The following PTPRM variants were observed in gnomAD, a reference collection of about 807,000 sequenced individuals.
PTPRM encodes the protein protein tyrosine phosphatase receptor type M.
PTPRM carries 47 observed loss-of-function variants against 186.7 expected under a neutral mutation model. The observed-to-expected ratio is 0.25, with a 90% CI of 0.20 to 0.32. PTPRM has a LOEUF of 0.32. Ranked by LOEUF, PTPRM falls within the 10% of genes least tolerant of loss-of-function variation. The pLI, the probability that PTPRM is intolerant of heterozygous loss-of-function variation, is 1.00. For synonymous variants in PTPRM, 668 were observed against 674.9 expected, an observed-to-expected ratio of 0.99 and a Z score of 0.16; for missense variants, 1,494 against 1,865.0, an observed-to-expected ratio of 0.80 and a Z score of 3.66.
intron 1 of PTPRM, among the ~76,000 whole-genome samples, chr18:7,677,606 C>T (rs183782973): frequency 2.6e-5 from 4 of 152,274 alleles, no homozygotes; most frequent in Non-Finnish European, 5.9e-5. Context: ...ATTCTTGGAA[C>T]AGGTGTCTGG....
chr18:8,160,973 C>G (rs934732649), intron 14 of PTPRM, among the ~76,000 whole-genome samples: 1 of 152,128 alleles, frequency 6.6e-6, no homozygotes, highest in Non-Finnish European at 1.5e-5. Flanking sequence ...TACCTGATTT[C>G]TATAAAAGCC....
At chr18:7,570,665 G>T (rs953232198) in intron 1 of PTPRM, among the ~76,000 whole-genome samples, 1 of 152,176 alleles carries the variant, frequency 6.6e-6, no homozygotes, top group Non-Finnish European at 1.5e-5. Context: ...AATCATGAGG[G>T]TTTATAAATA....
chr18:7,600,612 C>T (rs747002061), intron 1 of PTPRM, among the ~76,000 whole-genome samples: 4 of 152,216 alleles, frequency 2.6e-5, no homozygotes, highest in Non-Finnish European at 5.9e-5. Context: ...TTGTCTCTAC[C>T]CGCTCCCCTC....
intron 9 of PTPRM, among the ~76,000 whole-genome samples, chr18:8,078,456 T>C (rs1197507214): frequency 6.6e-6 from 1 of 152,184 alleles, no homozygotes; most frequent in Non-Finnish European, 1.5e-5. Flanking sequence ...TTTTCTGTCA[T>C]GGAGTCACAT....
chr18:7,616,316 A>G (rs1468585541), intron 1 of PTPRM, among the ~76,000 whole-genome samples: 1 of 151,948 alleles, frequency 6.6e-6, no homozygotes, highest in Admixed American at 6.6e-5. Context: ...GTGCCACCAC[A>G]CCCTGCTAAT....
intron 22 of PTPRM, among the ~76,000 whole-genome samples, chr18:8,338,421 T>A (rs2095453569): frequency 6.6e-6 from 1 of 150,616 alleles, no homozygotes; most frequent in Non-Finnish European, 1.5e-5. Flanking sequence ...TTAATATGGG[T>A]TCTCTCCTGT....
Position 8,256,396 on chromosome 18 carries a change from A to C in PTPRM, c.2754+2982A>C, listed in dbSNP as rs551938618. Among the ~76,000 whole-genome samples, 19 of 152,354 alleles carry C rather than the reference A, an allele frequency of 1.2e-4. No homozygotes were observed. The East Asian group carries it at 2.9e-3, about 23-fold the overall frequency. On this transcript the variant is annotated intron_variant, in intron 19 of 32. Coordinates refer to ENST00000580170, the MANE Select transcript of PTPRM (RefSeq NM_001105244.2). ...ATAGAATAATTATAGTCTCAACCTCAAAAGGTTGTTGTGAGGAGTAAATCA... is the reference window on the plus strand; with the variant it reads ...ATAGAATAATTATAGTCTCAACCTCCAAAGGTTGTTGTGAGGAGTAAATCA...
intron 14 of PTPRM, among the ~76,000 whole-genome samples, chr18:8,155,713 A>G (rs1478173398): frequency 6.6e-6 from 1 of 152,248 alleles, no homozygotes; most frequent in African/African-American, 2.4e-5. Context: ...CCCCATTTTC[A>G]AAGAGATGCC....
intron 1 of PTPRM, among the ~76,000 whole-genome samples, chr18:7,579,615 T>C (rs1358222473): frequency 2.0e-5 from 3 of 152,260 alleles, no homozygotes; most frequent in Admixed American, 6.5e-5. Flanking sequence ...CTAGTAAATG[T>C]GGCATCACTC....
chr18:7,774,364 G>C, intron 2 of PTPRM, 93 bp downstream of exon 2: 1 of 1,472,396 alleles, frequency 6.8e-7, no homozygotes, highest in Non-Finnish European at 9.3e-7. Flanking sequence ...ATGAGTGACG[G>C]TGTTGGTCTT....
intron 3 of PTPRM, among the ~76,000 whole-genome samples, chr18:7,897,990 CT>C (rs2049455620): frequency 6.6e-6 from 1 of 152,178 alleles, no homozygotes; most frequent in Admixed American, 6.5e-5. Context: ...ATTTTGCTGT[CT>C]TTTGAGTGCC....
chr18:7,673,063 T>A (rs1007782065), intron 1 of PTPRM, among the ~76,000 whole-genome samples: 1 of 152,198 alleles, frequency 6.6e-6, no homozygotes, highest in Non-Finnish European at 1.5e-5. Flanking sequence ...TCAATGCTGC[T>A]AAAGTTTTAC....
intron 7 of PTPRM, among the ~76,000 whole-genome samples, chr18:8,037,692 A>G (rs528637618): frequency 5.1e-4 from 77 of 152,236 alleles, no homozygotes; most frequent in Non-Finnish European, 9.1e-4. Context: ...TCTGATTTGT[A>G]AAATCTTAAG....
chr18:8,215,844 C>T (rs1247999517), intron 14 of PTPRM, among the ~76,000 whole-genome samples: 7 of 152,090 alleles, frequency 4.6e-5, no homozygotes, highest in Non-Finnish European at 7.4e-5. Context: ...CACCAGGCAG[C>T]TATTGCTTCT....
At chr18:7,676,688 T>TGCGC (rs1555650430) in intron 1 of PTPRM, among the ~76,000 whole-genome samples, 102 of 150,200 alleles carry the variant, frequency 6.8e-4, no homozygotes, top group Middle Eastern at 3.4e-3. Flanking sequence ...TGTGTGTGTG[T>TGCGC]GCGCGTGCAC....
chr18:8,090,323 C>T (rs2090645790), intron 11 of PTPRM, among the ~76,000 whole-genome samples: 1 of 152,164 alleles, frequency 6.6e-6, no homozygotes, highest in East Asian at 1.9e-4. Flanking sequence ...GTTGCTCAGA[C>T]TCAGCAATAA....
intron 14 of PTPRM, among the ~76,000 whole-genome samples, chr18:8,225,330 G>A (rs2094200437): frequency 6.6e-6 from 1 of 152,008 alleles, no homozygotes; most frequent in South Asian, 2.1e-4. Flanking sequence ...AGTAATTACT[G>A]TTTGGATGTT....
At chr18:7,615,251 G>GA (rs1041503851) in intron 1 of PTPRM, among the ~76,000 whole-genome samples, 4 of 151,332 alleles carry the variant, frequency 2.6e-5, no homozygotes, top group East Asian at 3.9e-4. Flanking sequence ...ACTGTAACAG[G>GA]AAAAAAAATC....
At chr18:7,872,430 T>A (rs1215829748) in intron 2 of PTPRM, among the ~76,000 whole-genome samples, 2 of 152,240 alleles carry the variant, frequency 1.3e-5, no homozygotes, top group East Asian at 3.8e-4. Flanking sequence ...TTCATATTAT[T>A]TTGCTATTCT....
Sources: allele counts gnomAD v4.1 joint callset (sites outside exome capture counted in the v4.1 genomes callset), GRCh38; gene constraint gnomAD v4.1.1; transcripts MANE v1.5; gene names NCBI Gene and HGNC (gene_info 2026-07-23, HGNC 2026-07-21).